HIVEP3: variants seen among roughly 807,000 people sequenced by gnomAD.
The protein encoded by HIVEP3 is transcription factor HIVEP3.
A neutral mutation model predicts 152.8 loss-of-function variants in HIVEP3; 49 were observed. That is an observed-to-expected ratio of 0.32 (90% CI 0.26 to 0.41). The LOEUF (loss-of-function observed/expected upper bound fraction) is 0.41. Among genes scored for constraint, HIVEP3 ranks in the 10% least tolerant of loss-of-function variants. HIVEP3 has a pLI of 1.00. For synonymous variants in HIVEP3, 1,269 were observed against 1,289.0 expected (o/e 0.98, Z 0.33); for missense variants, 2,790 against 3,103.3 (o/e 0.90, Z 2.40).
Position 41,707,441 on chromosome 1 carries a change from C to T in HIVEP3, c.-800-6446G>A, listed in dbSNP as rs552637613. Reference sequence around the variant, plus strand: ...TGGGGCAAGAAAGGACTTACCCTCTCTCGGATGGCAGTTCTGGAGCAGTTT... The same window carrying T: ...TGGGGCAAGAAAGGACTTACCCTCTTTCGGATGGCAGTTCTGGAGCAGTTT... On this transcript the variant is annotated intron_variant, in intron 1 of 8. Transcript: ENST00000372583. 1.2e-4 allele frequency among the ~76,000 whole-genome samples: 18 copies of T among 152,336 alleles called. No individual in the cohort carries two copies. In the South Asian group the frequency reaches 3.7e-3, roughly 32 times the overall value.
intron 1 of HIVEP3, among the ~76,000 whole-genome samples, chr1:41,774,811 T>TA (rs1558258332): frequency 7.3e-5 from 11 of 150,698 alleles, no homozygotes; most frequent in Admixed American, 1.3e-4. Context: ...TTTATTTATT[T>TA]TTTGAGACTG....
intron 1 of HIVEP3, among the ~76,000 whole-genome samples, chr1:41,909,168 C>T (rs1311955527): frequency 6.6e-6 from 1 of 151,994 alleles, no homozygotes; most frequent in African/African-American, 2.4e-5. Flanking sequence ...AGAATTCTAC[C>T]CTAATTCTAC....
intron 1 of HIVEP3, among the ~76,000 whole-genome samples, chr1:41,827,375 C>T (rs1193179017): frequency 2.0e-5 from 3 of 152,220 alleles, no homozygotes; most frequent in African/African-American, 7.2e-5. Context: ...CTCTTCCCTG[C>T]TGCTGTTTGC....
chr1:41,543,752 T>C, intron 5 of HIVEP3: 1 of 152,376 alleles, frequency 6.6e-6, no homozygotes, highest in South Asian at 2.1e-4. Context: ...AAGATCAGAA[T>C]AGGGAAATGA....
In HIVEP3 at chr1:41,970,534, AG is replaced by A. The variant is rs544660179; in HGVS notation, n.120-52011del. On this transcript the variant is annotated intron_variant and non_coding_transcript_variant, in intron 1 of 3. Transcript: ENST00000489103. ...GAACAACATACACTGGGGCCTGTTG[AG>A]GGGAGAGAGGCAGGGGAAATGAGAG... is the stretch of plus-strand genomic sequence containing the variant. Among the ~76,000 whole-genome samples, 441 of 152,256 alleles carry A rather than the reference AG, an allele frequency of 2.9e-3. 1 individual carries two copies. The highest frequency in any genetic ancestry group is 0.01 in the African/African-American group (423 of 41,548).
rs572269486 is a variant in HIVEP3, at chr1:41,737,212, A to T, written c.-800-36217T>A. 1.6e-4 allele frequency among the ~76,000 whole-genome samples: 24 copies of T among 152,292 alleles called. 1 individual carries two copies. The highest frequency in any genetic ancestry group is 1.2e-3 in the Admixed American group (19 of 15,302). On this transcript the variant is annotated intron_variant, in intron 1 of 8. Coordinates refer to ENST00000372583, the MANE Select transcript of HIVEP3 (RefSeq NM_024503.5). ...TGGGCTCAGAAAAGCTGCTTAACGT[A>T]TCTCAGCCTGGTTTCCTCATCTGCA... is the stretch of plus-strand genomic sequence containing the variant.
chr1:41,517,131 T>C (rs915026927), intron 7 of HIVEP3, among the ~76,000 whole-genome samples: 3 of 152,212 alleles, frequency 2.0e-5, no homozygotes, highest in Non-Finnish European at 2.9e-5. Context: ...TTTGCTCCAC[T>C]GGGAAAATGA....
At chr1:41,955,191 A>T (rs757578135) in intron 1 of HIVEP3, among the ~76,000 whole-genome samples, 1 of 152,182 alleles carries the variant, frequency 6.6e-6, no homozygotes. Flanking sequence ...TGAAAGAAAT[A>T]AAGTAACTTA....
rs536977871 is a variant in HIVEP3 at position 41,553,947 on chromosome 1, G to A, written c.5207+21597C>T. On this transcript the variant is annotated intron_variant, in intron 5 of 8. Coordinates refer to ENST00000372583, the MANE Select transcript of HIVEP3 (RefSeq NM_024503.5). ...CTTAATATTTTTTCCTTCATTTCAA[G>A]CTTGGTGAATTATCAAATTGTGTGT... Among the ~76,000 whole-genome samples the A allele has an allele frequency of 3.3e-5, 5 of 152,164 alleles. No homozygotes were observed. The South Asian group carries it at 6.2e-4, about 19-fold the overall frequency.
intron 1 of HIVEP3, among the ~76,000 whole-genome samples, chr1:41,855,501 AC>A (rs1434413556): frequency 6.6e-6 from 1 of 152,184 alleles, no homozygotes; most frequent in Non-Finnish European, 1.5e-5. Flanking sequence ...AAACAAATTT[AC>A]AAGAAAAAAA....
Position 41,759,027 on chromosome 1 carries a change from T to C in HIVEP3, c.-800-58032A>G, listed in dbSNP as rs567692124. Among the ~76,000 whole-genome samples the C allele has an allele frequency of 1.9e-3, 294 of 152,206 alleles. 2 individuals are homozygous for C. Among genetic ancestry groups the C allele is most frequent in the African/African-American group, 6.5e-3 (272 of 41,568 alleles). ...GTGCTTTCGCAGTGTTGTGCAACCA[T>C]CACCACTATCAAGGTCCAGAACTTT... On this transcript the variant is annotated intron_variant, in intron 1 of 8. Transcript: ENST00000372583.
chr1:41,997,209 T>C (rs1645400723), intron 1 of HIVEP3, among the ~76,000 whole-genome samples: 1 of 152,212 alleles, frequency 6.6e-6, no homozygotes, highest in Non-Finnish European at 1.5e-5. Context: ...TGGTCAAAAT[T>C]GTCACAGCCA....
chr1:41,556,900 T>C (rs1643974782), intron 5 of HIVEP3, among the ~76,000 whole-genome samples: 2 of 152,266 alleles, frequency 1.3e-5, no homozygotes, highest in South Asian at 4.1e-4. Context: ...TCTTTCCCCA[T>C]TGAATAGCCT....
chr1:41,872,230 G>A (rs2124414961), intron 1 of HIVEP3, among the ~76,000 whole-genome samples: 1 of 152,282 alleles, frequency 6.6e-6, no homozygotes, highest in Non-Finnish European at 1.5e-5. Context: ...TGTGGTGGAA[G>A]AAGATTTACA....
At chr1:42,025,374 T>C (rs1316670075) in intron 1 of HIVEP3, among the ~76,000 whole-genome samples, 1 of 152,262 alleles carries the variant, frequency 6.6e-6, no homozygotes. Flanking sequence ...TCTTAAAATC[T>C]GCCAAGCCAC....
chr1:41,723,378 G>A (rs1449516739), intron 1 of HIVEP3, among the ~76,000 whole-genome samples: 1 of 151,812 alleles, frequency 6.6e-6, no homozygotes, highest in Non-Finnish European at 1.5e-5. Flanking sequence ...GAAAGTCATG[G>A]AATTCTTGGG....
At chr1:41,623,374 G>C (rs1372826679) in intron 3 of HIVEP3, among the ~76,000 whole-genome samples, 1 of 152,230 alleles carries the variant, frequency 6.6e-6, no homozygotes, top group Non-Finnish European at 1.5e-5. Flanking sequence ...TGGTGGGAGA[G>C]AGAGCACTAA....
At chr1:41,590,213 G>C (rs1644567545) in intron 3 of HIVEP3, among the ~76,000 whole-genome samples, 1 of 152,228 alleles carries the variant, frequency 6.6e-6, no homozygotes, top group South Asian at 2.1e-4. Context: ...GTCACAGAAG[G>C]ATGTCTGGGC....
intron 1 of HIVEP3, among the ~76,000 whole-genome samples, chr1:41,882,579 G>A (rs942848510): frequency 2.6e-5 from 4 of 152,106 alleles, no homozygotes; most frequent in Non-Finnish European, 5.9e-5. Context: ...GAAGGGGAAG[G>A]AATGTCCCTT....
Sources: allele counts gnomAD v4.1 joint callset (sites outside exome capture counted in the v4.1 genomes callset), GRCh38; gene constraint gnomAD v4.1.1; transcripts MANE v1.5; gene names NCBI Gene and HGNC (gene_info 2026-07-23, HGNC 2026-07-21).